The following CCBE1 variants were observed in gnomAD, a reference collection of about 807,000 sequenced individuals.
CCBE1 encodes the protein collagen and calcium-binding EGF domain-containing protein 1.
In CCBE1, 37 loss-of-function variants were observed where a neutral mutation model predicts 50.0. The ratio of observed to expected loss-of-function variants is 0.74; its 90% CI spans 0.57 to 0.97. The LOEUF is 0.97. CCBE1 is among the 50% of genes least tolerant of loss of function. The probability of loss-of-function intolerance (pLI) is 0.00; values close to 1 mark genes in which losing one functional copy is unlikely to be tolerated. For synonymous variants in CCBE1, 234 were observed against 203.7 expected (o/e 1.15, Z -1.27); for missense variants, 538 against 523.8 (o/e 1.03, Z -0.26).
intron 2 of CCBE1, among the ~76,000 whole-genome samples, chr18:59,555,170 T>C (rs62092930): frequency 0.11 from 16,906 of 152,214 alleles, 1,230 homozygotes; most frequent in East Asian, 0.35. Flanking sequence ...ATCTCAGAAT[T>C]TGGAACACTT....
At chr18:59,472,853 T>C (rs1351025759) in intron 3 of CCBE1, among the ~76,000 whole-genome samples, 2 of 152,224 alleles carry the variant, frequency 1.3e-5, no homozygotes, top group Non-Finnish European at 2.9e-5. Context: ...CTTACAATCA[T>C]GGAAGAAGGC....
chr18:59,639,973 A>G (rs1185942984), intron 2 of CCBE1, among the ~76,000 whole-genome samples: 1 of 152,186 alleles, frequency 6.6e-6, no homozygotes, highest in African/African-American at 2.4e-5. Context: ...ATTACAAAAC[A>G]CCAAAGAAAT....
chr18:59,544,194 A>G (rs1335164316), intron 2 of CCBE1, among the ~76,000 whole-genome samples: 2 of 152,220 alleles, frequency 1.3e-5, no homozygotes, highest in African/African-American at 2.4e-5. Context: ...TGTATCAGCC[A>G]CATAGTAGGT....
intron 2 of CCBE1, among the ~76,000 whole-genome samples, chr18:59,494,945 G>A (rs1913278180): frequency 6.6e-6 from 1 of 152,172 alleles, no homozygotes; most frequent in South Asian, 2.1e-4. Context: ...CTTGAGGCCA[G>A]GAGTCTGAGA....
Position 59,436,093 on chromosome 18 carries a change from G to A in CCBE1, c.1036C>T (p.Arg346Cys), listed in dbSNP as rs761881641. 76 of 1,614,082 alleles carry A rather than the reference G, an allele frequency of 4.7e-5. No individual in the cohort carries two copies. Among genetic ancestry groups the A allele is most frequent in the Middle Eastern group, 1.6e-4 (1 of 6,084 alleles). Residue 346 changes from arginine to cysteine, a missense_variant, in exon 11 of 11, where the codon CGC becomes TGC. Physicochemically the swap from Arg to Cys is radical, Grantham distance 180. Coordinates refer to ENST00000439986, the MANE Select transcript of CCBE1 (RefSeq NM_133459.4). ...DFLLLMLADI[R>C]NDITELQEKV... The stretch of plus-strand genomic sequence containing the variant: ...TCCTGCAGCTCAGTGATGTCATTGC[G>A]GATGTCAGCCAGCATAAGTAGCAGG...
chr18:59,442,385 T>C (rs1332802023), intron 7 of CCBE1, among the ~76,000 whole-genome samples: 1 of 151,902 alleles, frequency 6.6e-6, no homozygotes, highest in Non-Finnish European at 1.5e-5. Flanking sequence ...ACTGTACATG[T>C]ATGTGTTTTC....
chr18:59,592,313 T>C (rs2053282799), intron 2 of CCBE1, among the ~76,000 whole-genome samples: 1 of 152,230 alleles, frequency 6.6e-6, no homozygotes, highest in Admixed American at 6.5e-5. Flanking sequence ...TGTTTAGACT[T>C]GGGTCCTAGC....
At chr18:59,644,969 C>T (rs1318352528) in intron 2 of CCBE1, among the ~76,000 whole-genome samples, 1 of 152,164 alleles carries the variant, frequency 6.6e-6, no homozygotes, top group Non-Finnish European at 1.5e-5. Context: ...CAAAACGCTA[C>T]CCTTGGCCAG....
intron 2 of CCBE1, among the ~76,000 whole-genome samples, chr18:59,584,623 GTTC>G (rs1208510232): frequency 2.0e-5 from 3 of 152,148 alleles, no homozygotes; most frequent in African/African-American, 7.2e-5. Context: ...TTGTGATAGA[GTTC>G]TTGCGAGATC....
chr18:59,439,683 G>C lies in CCBE1; in HGVS notation c.909C>G (p.Gly303=). Residue 303 remains glycine (G), a synonymous_variant, in exon 8 of 11, where the codon GGC becomes GGG. Coordinates refer to ENST00000439986, the MANE Select transcript of CCBE1 (RefSeq NM_133459.4). ...DLSHIKQGRR[G]PVGPPGAPGR... is the part of the protein sequence containing the mutation. ...TCTCTGATAAGATACTGACCACAGGGCCCCTCCGGCCTTGCTTAATGTGGG... is the reference window on the plus strand; with the variant it reads ...TCTCTGATAAGATACTGACCACAGGCCCCCTCCGGCCTTGCTTAATGTGGG... The C allele has an allele frequency of 6.2e-7, 1 of 1,614,216 alleles. No individual in the cohort carries two copies. The highest frequency in any genetic ancestry group is 1.1e-5 in the South Asian group (1 of 91,086).
At chr18:59,562,422 C>A (rs1170103571) in intron 2 of CCBE1, among the ~76,000 whole-genome samples, 1 of 152,164 alleles carries the variant, frequency 6.6e-6, no homozygotes, top group Non-Finnish European at 1.5e-5. Context: ...AGAAAATCAA[C>A]CAGCTGCACA....
rs369781148 is a variant in CCBE1 at position 59,436,144 on chromosome 18, G to A, written c.988-3C>T. The A allele has an allele frequency of 3.1e-6, 5 of 1,613,642 alleles. No homozygotes were observed. In the African/African-American group the frequency reaches 6.7e-5, roughly 22 times the overall value. ...AAGTCGAAAGAACCAGGGGGTCCCTGTGTACATGGGAGGAATCAAAGCTAG... is the reference window on the plus strand; with the variant it reads ...AAGTCGAAAGAACCAGGGGGTCCCTATGTACATGGGAGGAATCAAAGCTAG... On this transcript the variant is annotated splice_region_variant and splice_polypyrimidine_tract_variant and intron_variant, in intron 10 of 10. Coordinates refer to ENST00000439986, the MANE Select transcript of CCBE1 (RefSeq NM_133459.4).
At chr18:59,532,086 GAC>G (rs1399488325) in intron 2 of CCBE1, among the ~76,000 whole-genome samples, 6 of 151,650 alleles carry the variant, frequency 4.0e-5, no homozygotes, top group Non-Finnish European at 5.9e-5. Flanking sequence ...TTTTTTTTGA[GAC>G]ACAGTCTCAC....
intron 2 of CCBE1, among the ~76,000 whole-genome samples, chr18:59,541,030 G>T (rs1451667484): frequency 6.6e-6 from 1 of 152,152 alleles, no homozygotes; most frequent in South Asian, 2.1e-4. Context: ...TCTCACGTGG[G>T]AACATTGGGC....
chr18:59,600,871 G>T (rs1355643066), intron 2 of CCBE1, among the ~76,000 whole-genome samples: 1 of 152,080 alleles, frequency 6.6e-6, no homozygotes, highest in Non-Finnish European at 1.5e-5. Flanking sequence ...TTTAAGGTTG[G>T]TAAGGGGTGG....
chr18:59,490,895 T>G (rs1913068274), intron 2 of CCBE1, among the ~76,000 whole-genome samples: 1 of 152,240 alleles, frequency 6.6e-6, no homozygotes, highest in Non-Finnish European at 1.5e-5. Context: ...CCAACAAATC[T>G]CTGCTCTCAT....
chr18:59,543,846 A>AAAAAAAAAG (rs1555690347), intron 2 of CCBE1, among the ~76,000 whole-genome samples: 28 of 140,632 alleles, frequency 2.0e-4, no homozygotes, highest in Non-Finnish European at 2.7e-4. Context: ...AAAAAAAAAA[A>AAAAAAAAAG]AAAAAAAAAA....
intron 2 of CCBE1, among the ~76,000 whole-genome samples, chr18:59,626,245 C>T (rs866035238): frequency 4.6e-5 from 7 of 152,170 alleles, no homozygotes; most frequent in African/African-American, 1.2e-4. Flanking sequence ...TTAAAGTACT[C>T]GTTTATTTAT....
At chr18:59,443,918 A>G (rs2105769) in intron 7 of CCBE1, among the ~76,000 whole-genome samples, 69,591 of 152,110 alleles carry the variant, frequency 0.46, 16,025 homozygotes, top group Middle Eastern at 0.56. Context: ...TCAGCCCCTG[A>G]TAACAACCAG....
Sources: allele counts gnomAD v4.1 joint callset (sites outside exome capture counted in the v4.1 genomes callset), GRCh38; gene constraint gnomAD v4.1.1; transcripts MANE v1.5; gene names NCBI Gene and HGNC (gene_info 2026-07-23, HGNC 2026-07-21).